CFAP251: variants seen among roughly 807,000 people sequenced by gnomAD.
CFAP251 encodes the protein cilia- and flagella-associated protein 251.
Under a neutral mutation model 126.7 loss-of-function variants are expected in CFAP251, and 93 were observed. The observed-to-expected ratio is 0.73, with a 90% CI of 0.62 to 0.87. CFAP251 has a LOEUF of 0.87. Ranked by LOEUF, CFAP251 falls within the 40% of genes least tolerant of loss-of-function variation. The probability of loss-of-function intolerance (pLI) is 0.00; values close to 1 mark genes in which losing one functional copy is unlikely to be tolerated. For synonymous variants in CFAP251, 503 were observed against 506.9 expected (o/e 0.99, Z 0.10); for missense variants, 1,287 against 1,389.2 (o/e 0.93, Z 1.17).
At chr12:121,940,649 C>T (rs373114701) in intron 5 of CFAP251, among the ~76,000 whole-genome samples, 189 of 152,332 alleles carry the variant, frequency 1.2e-3, no homozygotes, top group African/African-American at 4.3e-3. Flanking sequence ...CCAACCATTA[C>T]AGCTTCCATC....
chr12:121,952,070 C>T (rs112283770), intron 9 of CFAP251, among the ~76,000 whole-genome samples: 7,479 of 150,996 alleles, frequency 0.05, 204 homozygotes, highest in South Asian at 0.056. Context: ...AATATAAAAA[C>T]GTGATGGCTT....
At chr12:121,952,637 T>C (rs978939743) in intron 9 of CFAP251, 3 of 152,186 alleles carry the variant, frequency 2.0e-5, no homozygotes, top group African/African-American at 7.2e-5. Context: ...TCGTCTCCTG[T>C]AGCATTTTCT....
chr12:121,930,126 T>C (rs75223894), intron 3 of CFAP251, among the ~76,000 whole-genome samples: 38,548 of 151,476 alleles, frequency 0.25, 5,997 homozygotes, highest in East Asian at 0.5. Context: ...TTGTTAGCCC[T>C]TTTTTTTTCC....
At chr12:121,952,002 G>A (rs947153477) in intron 9 of CFAP251, among the ~76,000 whole-genome samples, 13 of 152,042 alleles carry the variant, frequency 8.6e-5, no homozygotes, top group Non-Finnish European at 1.0e-4. Context: ...GATTACAGGC[G>A]TGAGCCACTG....
At chr12:121,979,813 G>A (rs1362184672) in intron 19 of CFAP251, among the ~76,000 whole-genome samples, 1 of 152,036 alleles carries the variant, frequency 6.6e-6, no homozygotes, top group Non-Finnish European at 1.5e-5. Flanking sequence ...TGATCCACCT[G>A]CATCAGCCTC....
At chr12:121,954,379 A>T (rs1881640552) in intron 10 of CFAP251, 45 bp downstream of exon 10, 1 of 1,505,298 alleles carries the variant, frequency 6.6e-7, no homozygotes, top group East Asian at 2.5e-5. Context: ...AATTATAAAA[A>T]TATTTTAAAA....
At chr12:121,958,799 A>T (rs1368343014) in intron 12 of CFAP251, 144 bp from the exon 13 acceptor site, 3 of 1,079,096 alleles carry the variant, frequency 2.8e-6, no homozygotes, top group Non-Finnish European at 2.6e-6. Flanking sequence ...CCAGGAGATC[A>T]CGCGTTTCGG....
chr12:121,997,524 T>G (rs1010833180), intron 19 of CFAP251: 1 of 151,984 alleles, frequency 6.6e-6, no homozygotes, highest in Middle Eastern at 3.4e-3. Context: ...AAAAAAAATT[T>G]AAGTCTTCCA....
intron 1 of CFAP251, 99 bp from the exon 2 acceptor site, chr12:121,921,187 C>A: frequency 7.6e-7 from 1 of 1,315,984 alleles, no homozygotes; most frequent in Non-Finnish European, 1.0e-6. Flanking sequence ...GGAAAGGGAA[C>A]AGAGCCATTT....
At chr12:121,967,292 G>C (rs1565916667) in intron 16 of CFAP251, among the ~76,000 whole-genome samples, 2 of 152,246 alleles carry the variant, frequency 1.3e-5, no homozygotes. Context: ...TCCCAGTGAA[G>C]ATACATGGGC....
At chr12:121,941,580 C>T (rs550257184) in intron 5 of CFAP251, among the ~76,000 whole-genome samples, 79 of 151,932 alleles carry the variant, frequency 5.2e-4, no homozygotes, top group African/African-American at 1.8e-3. Context: ...GCAATCCACC[C>T]TCCTCAGCCT....
chr12:121,930,263 C>T (rs59129147), intron 3 of CFAP251, among the ~76,000 whole-genome samples: 4 of 151,990 alleles, frequency 2.6e-5, no homozygotes, highest in Non-Finnish European at 5.9e-5. Flanking sequence ...CCGAGGCAGG[C>T]GGATCATGAG....
At chr12:121,964,354 A>G (rs1383989792) in intron 15 of CFAP251, among the ~76,000 whole-genome samples, 3 of 152,200 alleles carry the variant, frequency 2.0e-5, no homozygotes, top group Non-Finnish European at 4.4e-5. Flanking sequence ...ATGAAAACAT[A>G]CTTTTTGGAC....
At position 121,958,140 on chromosome 12, in the gene CFAP251, G is replaced by A. The variant is rs1881793304; in HGVS notation, c.1731-132G>A. ...TGTTGGGTATTGGTGGTATATTTTT[G>A]GAAATGTTGGGTTAATAATGTCACT... On this transcript the variant is annotated intron_variant, in intron 11 of 21. Transcript: ENST00000288912. The A allele has an allele frequency of 2.7e-5, 36 of 1,330,164 alleles. No homozygotes were observed. The South Asian group carries it at 4.5e-4, about 17-fold the overall frequency. 82.4% of individuals were successfully genotyped at this position (1,330,164 alleles called of 1,614,324 possible).
In CFAP251 at chr12:121,989,572, G is replaced by A. The variant is rs1882827586; in HGVS notation, c.3007-10144G>A. Among the ~76,000 whole-genome samples the A allele has an allele frequency of 1.3e-5, 2 of 152,326 alleles. No homozygotes were observed. The highest frequency in any genetic ancestry group is 4.1e-4 in the South Asian group (2 of 4,828). On this transcript the variant is annotated intron_variant, in intron 19 of 21. Coordinates refer to ENST00000288912, the MANE Select transcript of CFAP251 (RefSeq NM_144668.6). This position sits in a 1 kb window ranked among gnomAD's most constrained non-coding sequence, Gnocchi z 4.2. ...GCCCAGCCCTTACGCCCCCTCCTCAGCCCACTACTCCCTGCCCCGGGTCAG... is the reference window on the plus strand; with the variant it reads ...GCCCAGCCCTTACGCCCCCTCCTCAACCCACTACTCCCTGCCCCGGGTCAG...
intron 7 of CFAP251, among the ~76,000 whole-genome samples, chr12:121,947,418 T>C (rs1291540931): frequency 6.6e-6 from 1 of 152,142 alleles, no homozygotes; most frequent in Admixed American, 6.6e-5. Context: ...TGCTGATTGC[T>C]TTTTCCCCTT....
chr12:121,996,637 C>T (rs1883026536), intron 19 of CFAP251, among the ~76,000 whole-genome samples: 1 of 152,144 alleles, frequency 6.6e-6, no homozygotes, highest in Non-Finnish European at 1.5e-5. Flanking sequence ...AATACACAAA[C>T]TTTCCAAATG....
intron 7 of CFAP251, among the ~76,000 whole-genome samples, chr12:121,947,126 T>C (rs1448979134): frequency 6.6e-6 from 1 of 152,220 alleles, no homozygotes; most frequent in African/African-American, 2.4e-5. Flanking sequence ...TTTTCTTTTA[T>C]GTATTTTCTA....
chr12:121,954,257 G>C lies in CFAP251; in HGVS notation c.1458G>C (p.Leu486Phe). Reference protein sequence around the residue: ...HRPPSSASTFLGFPYIKPCKL... With the variant: ...HRPPSSASTFFGFPYIKPCKL... ...CACCCTCATCTGCCTCCACCTTTTTGGGCTTTCCCTATATCAAGCCTTGTA... is the reference window on the plus strand; with the variant it reads ...CACCCTCATCTGCCTCCACCTTTTTCGGCTTTCCCTATATCAAGCCTTGTA... Residue 486 changes from leucine (L) to phenylalanine (F), a missense_variant, in exon 10 of 22, where the codon TTG (leucine) becomes TTC (phenylalanine). Coordinates refer to ENST00000288912, the MANE Select transcript of CFAP251 (RefSeq NM_144668.6). The C allele has an allele frequency of 6.2e-7, 1 of 1,614,054 alleles. No individual in the cohort carries two copies. Among genetic ancestry groups the C allele is most frequent in the Non-Finnish European group, 8.5e-7 (1 of 1,179,992 alleles).
Sources: allele counts gnomAD v4.1 joint callset (sites outside exome capture counted in the v4.1 genomes callset), GRCh38; gene constraint gnomAD v4.1.1; non-coding constraint Gnocchi (gnomAD v3.1); transcripts MANE v1.5; gene names NCBI Gene and HGNC (gene_info 2026-07-23, HGNC 2026-07-21).